Variants in TEKT5 observed in about 807,000 individuals in gnomAD.
TEKT5 encodes the protein tektin-5.
A neutral mutation model predicts 48.7 loss-of-function variants in TEKT5; 52 were observed. The observed-to-expected ratio is 1.07, with a 90% confidence interval of 0.86 to 1.35. TEKT5 has a LOEUF of 1.35. Ranked by LOEUF, TEKT5 falls within the 40% of genes most tolerant of loss-of-function variation. The probability of loss-of-function intolerance (pLI) is 0.00; values close to 1 mark genes in which losing one functional copy is unlikely to be tolerated. For synonymous variants in TEKT5, 318 were observed against 267.6 expected (o/e 1.19, Z -1.84); for missense variants, 831 against 641.6 (o/e 1.30, Z -3.19).
At chr16:10,629,504 G>C (rs1897805762) in intron 6 of TEKT5, among the ~76,000 whole-genome samples, 1 of 152,148 alleles carries the variant, frequency 6.6e-6, no homozygotes, top group African/African-American at 2.4e-5. Flanking sequence ...GCCAGTCTCA[G>C]CCTCCCAAAG....
intron 2 of TEKT5, 96 bp downstream of exon 2, chr16:10,689,846 T>A: frequency 8.3e-7 from 1 of 1,207,730 alleles, no homozygotes; most frequent in Non-Finnish European, 1.2e-6. Context: ...GTGACACGTG[T>A]GGCTTCTGCT....
chr16:10,684,400 T>C (rs571969366), intron 3 of TEKT5, among the ~76,000 whole-genome samples: 68 of 151,882 alleles, frequency 4.5e-4, no homozygotes, highest in African/African-American at 1.4e-3. Context: ...TCCATCTTTT[T>C]TTTTTTTTTT....
intron 2 of TEKT5, 135 bp from the exon 3 acceptor site, chr16:10,689,458 G>A: frequency 1.4e-6 from 1 of 724,092 alleles, no homozygotes; most frequent in East Asian, 2.7e-5. Context: ...TCAGCGTGGG[G>A]CCCCGCCTCA....
intron 1 of TEKT5, 119 bp from the exon 2 acceptor site, chr16:10,690,144 T>C: frequency 4.1e-6 from 4 of 970,984 alleles, no homozygotes; most frequent in Non-Finnish European, 6.2e-6. Flanking sequence ...CCTGGGTGCT[T>C]CATGTGACCT....
intron 4 of TEKT5, among the ~76,000 whole-genome samples, chr16:10,678,057 T>G (rs1898680049): frequency 6.6e-6 from 1 of 152,114 alleles, no homozygotes; most frequent in African/African-American, 2.4e-5. Context: ...AAGCAACCAA[T>G]GGACTATGTG....
Position 10,682,128 on chromosome 16 carries a change from C to T in TEKT5, c.728G>A (p.Arg243Gln), listed in dbSNP as rs200608852. The change falls in exon 4 of 7, where the codon CGG becomes CAG. Residue 243 changes from arginine (R) to glutamine (Q), a missense_variant. By Grantham distance (43) the Arg-to-Gln change is conservative. Transcript: ENST00000283025. ...CCTCTCCAGCACGTGCTGAGCATCC[C>T]GGTTATCCCTGCAGGGAGGGAGGAG... is the stretch of plus-strand genomic sequence containing the variant. ...QRIDIQMRDN[R>Q]DAQHVLERDL... The T allele has an allele frequency of 1.2e-5, 20 of 1,614,066 alleles. No homozygotes were observed. The East Asian group carries it at 2.0e-4, about 16-fold the overall frequency.
At chr16:10,649,440 T>C (rs1898119336) in intron 5 of TEKT5, among the ~76,000 whole-genome samples, 1 of 150,846 alleles carries the variant, frequency 6.6e-6, no homozygotes, top group Non-Finnish European at 1.5e-5. Context: ...ATTTTTTTAA[T>C]TTTCTTTTTC....
intron 5 of TEKT5, among the ~76,000 whole-genome samples, chr16:10,662,694 G>T (rs75598699): frequency 0.018 from 2,670 of 152,232 alleles, 75 homozygotes; most frequent in African/African-American, 0.062. Context: ...ACCATCCACA[G>T]CACTGGCCCC....
chr16:10,635,980 G>C, intron 5 of TEKT5, 62 bp from the exon 6 acceptor site: 10 of 1,587,308 alleles, frequency 6.3e-6, no homozygotes, highest in Non-Finnish European at 8.6e-6. Flanking sequence ...CTGACTGGGG[G>C]CCTGGGGGGA....
At chr16:10,669,408 G>A (rs745609201) in intron 5 of TEKT5, among the ~76,000 whole-genome samples, 1 of 152,062 alleles carries the variant, frequency 6.6e-6, no homozygotes, top group Admixed American at 6.6e-5. Context: ...GCAGTGAGCC[G>A]AGATCGTGCC....
chr16:10,634,881 C>A (rs902126561), intron 6 of TEKT5, among the ~76,000 whole-genome samples: 1 of 152,140 alleles, frequency 6.6e-6, no homozygotes, highest in African/African-American at 2.4e-5. Flanking sequence ...ACCACAGCCC[C>A]AGCTGACAGC....
At chr16:10,672,038 G>A (rs1029550096) in intron 5 of TEKT5, among the ~76,000 whole-genome samples, 1 of 152,124 alleles carries the variant, frequency 6.6e-6, no homozygotes, top group South Asian at 2.1e-4. Context: ...TGTTTAATGG[G>A]TGCAGAGTTT....
intron 5 of TEKT5, among the ~76,000 whole-genome samples, chr16:10,637,157 T>A (rs1441008349): frequency 6.6e-6 from 1 of 150,820 alleles, no homozygotes. Context: ...AATTTTTTTT[T>A]ATATTTTTAG....
intron 5 of TEKT5, among the ~76,000 whole-genome samples, chr16:10,645,327 T>G (rs149338591): frequency 6.6e-6 from 1 of 151,698 alleles, no homozygotes; most frequent in Non-Finnish European, 1.5e-5. Context: ...CTGGGCAACA[T>G]AGTGAAAACC....
At chr16:10,668,005 G>A (rs1898487347) in intron 5 of TEKT5, among the ~76,000 whole-genome samples, 1 of 152,070 alleles carries the variant, frequency 6.6e-6, no homozygotes, top group African/African-American at 2.4e-5. Flanking sequence ...AGCCTCCCAA[G>A]TAGCTGGAAC....
intron 1 of TEKT5, chr16:10,690,849 A>C: frequency 4.3e-6 from 4 of 923,050 alleles, no homozygotes; most frequent in South Asian, 5.0e-5. Context: ...GCAGGATGTC[A>C]AGGTCTGGAT....
intron 1 of TEKT5, among the ~76,000 whole-genome samples, chr16:10,693,363 G>C (rs780397318): frequency 1.3e-5 from 2 of 152,218 alleles, no homozygotes; most frequent in Non-Finnish European, 2.9e-5. Flanking sequence ...ACAAAGTGCT[G>C]GGATTACAGG....
At position 10,627,799 on chromosome 16, in the gene TEKT5, C is replaced by T; in HGVS notation, c.1242G>A (p.Lys414=). Residue 414 remains lysine (K), a splice_region_variant and synonymous_variant, in exon 7 of 7, where the codon AAG becomes AAA. Coordinates refer to ENST00000283025, the MANE Select transcript of TEKT5 (RefSeq NM_144674.2). The part of the protein sequence containing the change: ...MELCRDIPQL[K]LVNEVFTIDD... ...CGATGGTGAACACCTCGTTCACCAG[C>T]CTGGGGTGAGGGCAGAGGAGAAGGC... 1 of 1,613,910 alleles carries T rather than the reference C, an allele frequency of 6.2e-7. No homozygotes were observed. Among genetic ancestry groups the T allele is most frequent in the Non-Finnish European group, 8.5e-7 (1 of 1,179,910 alleles).
chr16:10,681,447 G>A lies in TEKT5; in HGVS notation c.863+546C>T, dbSNP rs188759590. Among the ~76,000 whole-genome samples the A allele has an allele frequency of 4.5e-4, 69 of 151,868 alleles. 1 individual carries two copies. In the East Asian group the frequency reaches 0.011, roughly 23 times the overall value. ...AAAACTCCTGGAACTCCTGGCCTCA[G>A]GCAATCCTCCAGCCTTGGCCTCCCA... is the stretch of plus-strand genomic sequence containing the variant. On this transcript the variant is annotated intron_variant, in intron 4 of 6. Transcript: ENST00000283025.
Sources: allele counts gnomAD v4.1 joint callset (sites outside exome capture counted in the v4.1 genomes callset), GRCh38; gene constraint gnomAD v4.1.1; transcripts MANE v1.5; gene names NCBI Gene and HGNC (gene_info 2026-07-23, HGNC 2026-07-21).